EFL1: variants seen among roughly 807,000 people sequenced by gnomAD.
The protein encoded by EFL1 is elongation factor like GTPase 1, also known as elongation factor-like GTPase 1.
EFL1 carries 76 observed loss-of-function variants against 126.7 expected under a neutral mutation model. The observed-to-expected ratio is 0.60, with a 90% CI of 0.50 to 0.73. The LOEUF (loss-of-function observed/expected upper bound fraction) is 0.73, where lower values mean the gene tolerates loss of function less well. Ranked by LOEUF, EFL1 falls within the 30% of genes least tolerant of loss-of-function variation. The pLI is 0.00. For missense variants in EFL1, 1,128 were observed against 1,343.2 expected (o/e 0.84, Z 2.50); for synonymous variants, 410 against 448.4 (o/e 0.91, Z 1.08).
Position 82,152,165 on chromosome 15 carries a change from G to A in EFL1, c.2289C>T (p.Thr763=), listed in dbSNP as rs757624558. The change falls in exon 18 of 20, where the codon ACC becomes ACT. Residue 763 remains threonine (T), a synonymous_variant. Transcript: ENST00000268206. ...VRAMPLPEEV[T]QILEENSDLI... is the part of the protein sequence containing the mutation. ...AATCACTATTTTCTTCCAGAATCTGGGTGACTTCTTCTGGAAGGGGCATGG... is the reference window on the plus strand; with the variant it reads ...AATCACTATTTTCTTCCAGAATCTGAGTGACTTCTTCTGGAAGGGGCATGG... The A allele has an allele frequency of 9.9e-6, 16 of 1,614,090 alleles. No individual in the cohort carries two copies. Among genetic ancestry groups the A allele is most frequent in the Non-Finnish European group, 1.3e-5 (15 of 1,180,030 alleles).
chr15:82,149,009 G>C (rs1006376569), intron 18 of EFL1, among the ~76,000 whole-genome samples: 2 of 151,610 alleles, frequency 1.3e-5, no homozygotes, highest in Non-Finnish European at 2.9e-5. Context: ...GCTGATAATT[G>C]GGGGACTGTT....
At chr15:82,142,433 T>A (rs898062928) in intron 18 of EFL1, among the ~76,000 whole-genome samples, 3 of 151,984 alleles carry the variant, frequency 2.0e-5, no homozygotes, top group Admixed American at 2.0e-4. Context: ...GAGGCTGCAG[T>A]GGACTATGAT....
intron 19 of EFL1, among the ~76,000 whole-genome samples, chr15:82,131,746 C>T (rs1392360110): frequency 6.6e-6 from 1 of 151,898 alleles, no homozygotes; most frequent in Non-Finnish European, 1.5e-5. Flanking sequence ...GAGCCAAGAT[C>T]ACACCATTGC....
At chr15:82,248,215 T>C (rs1179938708) in intron 4 of EFL1, among the ~76,000 whole-genome samples, 1 of 152,114 alleles carries the variant, frequency 6.6e-6, no homozygotes, top group African/African-American at 2.4e-5. Context: ...TGGCATCAAC[T>C]GAATACTTCA....
chr15:82,227,675 A>G, intron 10 of EFL1, 103 bp from the exon 11 acceptor site: 2 of 1,510,056 alleles, frequency 1.3e-6, no homozygotes, highest in Non-Finnish European at 1.8e-6. Context: ...GTCTGTCCAT[A>G]CAGAAAATGC....
intron 17 of EFL1, among the ~76,000 whole-genome samples, chr15:82,156,100 A>C (rs2073964160): frequency 6.6e-6 from 1 of 152,190 alleles, no homozygotes; most frequent in Non-Finnish European, 1.5e-5. Flanking sequence ...TGCTATTAAG[A>C]AGCTTTTTGC....
rs55892674 is a variant in EFL1, at chr15:82,217,529, T to TAA, written c.1611+2121_1611+2122dup. 1.4e-3 allele frequency among the ~76,000 whole-genome samples: 197 copies of TAA among 145,644 alleles called. 1 individual carries two copies. Among genetic ancestry groups the TAA allele is most frequent in the Non-Finnish European group, 2.0e-3 (129 of 66,036 alleles). On this transcript the variant is annotated intron_variant, in intron 14 of 19. Transcript: ENST00000268206. The stretch of plus-strand genomic sequence containing the variant: ...TTAACATAGATTAATCTCACAAAGT[T>TAA]AAAAAAAAAAAGGCAGGTTGTAGAA...
intron 3 of EFL1, among the ~76,000 whole-genome samples, chr15:82,254,904 A>T (rs2075054139): frequency 6.6e-6 from 1 of 152,174 alleles, no homozygotes; most frequent in Non-Finnish European, 1.5e-5. Context: ...GTCAGTACTG[A>T]TGTACTTCAA....
At chr15:82,205,069 C>A (rs183551271) in intron 15 of EFL1, among the ~76,000 whole-genome samples, 3 of 152,262 alleles carry the variant, frequency 2.0e-5, no homozygotes, top group South Asian at 4.1e-4. Context: ...GAGACTGTCC[C>A]CTCTTTCCCA....
At chr15:82,238,605 G>A in intron 6 of EFL1, 84 bp from the exon 7 acceptor site, 2 of 1,200,258 alleles carry the variant, frequency 1.7e-6, no homozygotes, top group Non-Finnish European at 2.4e-6. Flanking sequence ...ACCTGTGTTA[G>A]GGCTAGAATC....
At position 82,236,978 on chromosome 15, in the gene EFL1, A is replaced by G. The variant is rs575330192; in HGVS notation, c.731+1329T>C. 5.9e-5 allele frequency among the ~76,000 whole-genome samples: 9 copies of G among 152,290 alleles called. No individual in the cohort carries two copies. The East Asian group carries it at 1.7e-3, about 29-fold the overall frequency. ...AACATGGTGAAACCTGGTCTCTACT[A>G]AAAGAAACACAAAAATTAGCTGGCA... On this transcript the variant is annotated intron_variant, in intron 7 of 19. Coordinates refer to ENST00000268206, the MANE Select transcript of EFL1 (RefSeq NM_024580.6).
At chr15:82,149,240 C>T (rs2073882445) in intron 18 of EFL1, among the ~76,000 whole-genome samples, 1 of 151,888 alleles carries the variant, frequency 6.6e-6, no homozygotes, top group South Asian at 2.1e-4. Flanking sequence ...AGTGTATAGA[C>T]TCAGTACTCA....
At chr15:82,164,427 T>C (rs2074056432) in intron 15 of EFL1, among the ~76,000 whole-genome samples, 1 of 152,200 alleles carries the variant, frequency 6.6e-6, no homozygotes, top group Non-Finnish European at 1.5e-5. Flanking sequence ...GTGATGTTGC[T>C]ATGTAGTATG....
chr15:82,167,554 T>C (rs534736364), intron 15 of EFL1, among the ~76,000 whole-genome samples: 1 of 152,196 alleles, frequency 6.6e-6, no homozygotes, highest in Non-Finnish European at 1.5e-5. Flanking sequence ...TGTGTGAGGC[T>C]TGAGAGATGA....
intron 19 of EFL1, among the ~76,000 whole-genome samples, chr15:82,133,188 T>C (rs1440096015): frequency 1.3e-5 from 2 of 152,160 alleles, no homozygotes; most frequent in Non-Finnish European, 2.9e-5. Context: ...CCCATGAATA[T>C]ACAGAGCAGA....
rs2141223939 is a variant in EFL1, at chr15:82,147,944, A to G, written c.2989+3521T>C. On this transcript the variant is annotated intron_variant, in intron 18 of 19. Coordinates refer to ENST00000268206, the MANE Select transcript of EFL1 (RefSeq NM_024580.6). Reference sequence around the variant, plus strand: ...CTGAGTGTATGTACCAAAGTAAAAGAGCTAAAGACAGTGCAAAGAGCTTTT... The same window carrying G: ...CTGAGTGTATGTACCAAAGTAAAAGGGCTAAAGACAGTGCAAAGAGCTTTT... Among the ~76,000 whole-genome samples the G allele has an allele frequency of 1.3e-5, 2 of 152,334 alleles. 1 individual carries two copies. Among genetic ancestry groups the G allele is most frequent in the Middle Eastern group, 6.8e-3 (2 of 294 alleles).
chr15:82,211,553 C>CAA (rs2141292821), intron 15 of EFL1, among the ~76,000 whole-genome samples: 1 of 122,340 alleles, frequency 8.2e-6, no homozygotes, highest in South Asian at 2.5e-4. Context: ...TCTATATACA[C>CAA]ACACACACAC....
At chr15:82,238,262 A>T (rs779091967) in intron 7 of EFL1, 45 bp downstream of exon 7, 13 of 1,585,444 alleles carry the variant, frequency 8.2e-6, no homozygotes, top group African/African-American at 5.4e-5. Context: ...AATCAACTGC[A>T]TATAAAATCT....
At position 82,157,633 on chromosome 15, in the gene EFL1, G is replaced by C. The variant is rs144647692; in HGVS notation, c.2030+80C>G. Reference sequence around the variant, plus strand: ...TCTCCAAAAATAAGCCGCAGTCTAAGTTCAACTGGTTTAGGAAACACTAAA... The same window carrying C: ...TCTCCAAAAATAAGCCGCAGTCTAACTTCAACTGGTTTAGGAAACACTAAA... On this transcript the variant is annotated intron_variant, in intron 17 of 19. Coordinates refer to ENST00000268206, the MANE Select transcript of EFL1 (RefSeq NM_024580.6). The C allele has an allele frequency of 2.0e-3, 2,981 of 1,469,096 alleles. 68 individuals carry two copies. The African/African-American group carries it at 0.036, about 18-fold the overall frequency. The allele number at this position is 1,469,096 out of a possible 1,614,324, so 91.0% of individuals were successfully genotyped here.
Sources: allele counts gnomAD v4.1 joint callset (sites outside exome capture counted in the v4.1 genomes callset), GRCh38; gene constraint gnomAD v4.1.1; transcripts MANE v1.5; gene names NCBI Gene and HGNC (gene_info 2026-07-23, HGNC 2026-07-21).